PSPH: variants seen among roughly 807,000 people sequenced by gnomAD.
The protein encoded by PSPH is phosphoserine phosphatase.
Under a neutral mutation model 23.4 loss-of-function variants are expected in PSPH, and 16 were observed. The ratio of observed to expected loss-of-function variants is 0.68; its 90% CI spans 0.46 to 1.04. PSPH has a LOEUF of 1.04. Among genes scored for constraint, PSPH ranks in the 50% least tolerant of loss-of-function variants. PSPH has a pLI of 0.00. For synonymous variants in PSPH, 68 were observed against 99.7 expected (o/e 0.68, Z 1.89); for missense variants, 223 against 273.7 (o/e 0.81, Z 1.31).
chr7:56,038,962 G>A (rs545026757), intron 1 of PSPH, among the ~76,000 whole-genome samples: 1 of 152,120 alleles, frequency 6.6e-6, no homozygotes, highest in South Asian at 2.1e-4. Flanking sequence ...TGACCAACAT[G>A]GAGAAACCCC....
Position 56,041,689 on chromosome 7 carries a change from C to T in PSPH, c.-291-7583G>A, listed in dbSNP as rs559994664. Among the ~76,000 whole-genome samples, 14 of 151,794 alleles carry T rather than the reference C, an allele frequency of 9.2e-5. No individual in the cohort carries two copies. The East Asian group carries it at 1.2e-3, about 13-fold the overall frequency. ...TTGTAATCCCAGCACTTTGGGAGGC[C>T]GAGGTGGGCAGATCACTTGAGACCA... is the stretch of plus-strand genomic sequence containing the variant. On this transcript the variant is annotated intron_variant, in intron 1 of 7. Coordinates refer to ENST00000275605, the MANE Select transcript of PSPH (RefSeq NM_004577.4).
At chr7:56,049,006 G>A (rs1206755500) in intron 1 of PSPH, among the ~76,000 whole-genome samples, 1 of 151,120 alleles carries the variant, frequency 6.6e-6, no homozygotes, top group Non-Finnish European at 1.5e-5. Flanking sequence ...TGCAAGCTCC[G>A]CCTCTTGGAT....
At chr7:56,033,173 A>G (rs1791259890) in intron 2 of PSPH, 1 of 152,078 alleles carries the variant, frequency 6.6e-6, no homozygotes, top group Non-Finnish European at 1.5e-5. Context: ...ATATTTAAAA[A>G]GTAATAATAT....
intron 6 of PSPH, among the ~76,000 whole-genome samples, chr7:56,016,268 G>C (rs1026098434): frequency 2.0e-5 from 3 of 151,486 alleles, no homozygotes; most frequent in African/African-American, 7.3e-5. Context: ...GCCAGGTGTG[G>C]TGGTGGGCAC....
chr7:56,012,388 C>T (rs986526363), intron 7 of PSPH, among the ~76,000 whole-genome samples: 6 of 152,012 alleles, frequency 3.9e-5, no homozygotes, highest in African/African-American at 1.4e-4. Flanking sequence ...TGCCACGTTG[C>T]TCAGCTGGTC....
intron 4 of PSPH, among the ~76,000 whole-genome samples, chr7:56,020,436 C>A (rs563535160): frequency 1.3e-5 from 2 of 151,682 alleles, no homozygotes; most frequent in African/African-American, 2.4e-5. Context: ...ACTACCCTGG[C>A]CAACATGGTG....
chr7:56,045,441 C>G lies in PSPH; in HGVS notation c.-292+5697G>C, dbSNP rs528433028. On this transcript the variant is annotated intron_variant, in intron 1 of 7. Coordinates refer to ENST00000275605, the MANE Select transcript of PSPH (RefSeq NM_004577.4). ...TTGCGCCACTGCACTCCAGCCTGGG[C>G]ACCAGAGTGAGACTCTATCTCTTAA... 4.4e-4 allele frequency among the ~76,000 whole-genome samples: 67 copies of G among 151,850 alleles called. 3 individuals are homozygous for G. The South Asian group carries it at 0.013, about 29-fold the overall frequency.
Position 56,011,750 on chromosome 7 carries a change from C to T in PSPH, c.*12G>A, listed in dbSNP as rs376164457. On this transcript the variant is annotated 3_prime_UTR_variant, in exon 8 of 8. Transcript: ENST00000275605. ...TCATCTGAAGTTGTTTGGAGCTGTA[C>T]GACAATGGATGTTATTCTTCCAGTT... The T allele has an allele frequency of 1.3e-4, 213 of 1,593,898 alleles. No individual in the cohort carries two copies. Among genetic ancestry groups the T allele is most frequent in the Admixed American group, 7.8e-4 (47 of 59,942 alleles).
chr7:56,050,612 A>C (rs369963700), intron 1 of PSPH, among the ~76,000 whole-genome samples: 8 of 152,178 alleles, frequency 5.3e-5, no homozygotes, highest in African/African-American at 1.9e-4. Context: ...GCTGTTACCG[A>C]GGACTTCCCA....
chr7:56,037,962 C>T (rs1463997603), intron 1 of PSPH, among the ~76,000 whole-genome samples: 1 of 151,732 alleles, frequency 6.6e-6, no homozygotes, highest in Non-Finnish European at 1.5e-5. Flanking sequence ...ATCCACTCGC[C>T]TTGGCCTCCC....
chr7:56,048,795 C>CTTT (rs548240200), intron 1 of PSPH, among the ~76,000 whole-genome samples: 2 of 130,950 alleles, frequency 1.5e-5, no homozygotes, highest in Non-Finnish European at 3.2e-5. Flanking sequence ...CCACACCTGG[C>CTTT]TTTTTTTTTT....
At chr7:56,038,835 C>T (rs1408923736) in intron 1 of PSPH, among the ~76,000 whole-genome samples, 6 of 151,358 alleles carry the variant, frequency 4.0e-5, no homozygotes, top group Non-Finnish European at 8.8e-5. Flanking sequence ...AGTGAGACTC[C>T]GTCCCCCAAA....
intron 3 of PSPH, among the ~76,000 whole-genome samples, chr7:56,025,679 C>A (rs1233898660): frequency 6.6e-6 from 1 of 152,110 alleles, no homozygotes; most frequent in African/African-American, 2.4e-5. Flanking sequence ...CTGCAACCTC[C>A]CCATCCCGGG....
chr7:56,023,437 T>G (rs553383188), intron 3 of PSPH, among the ~76,000 whole-genome samples: 14 of 152,056 alleles, frequency 9.2e-5, no homozygotes, highest in African/African-American at 3.4e-4. Context: ...TTATAAATTT[T>G]TTTTTGAAGA....
At chr7:56,015,212 G>A (rs969381891) in intron 6 of PSPH, 41 bp from the exon 7 acceptor site, 1 of 1,606,032 alleles carries the variant, frequency 6.2e-7, no homozygotes, top group Non-Finnish European at 8.5e-7. Flanking sequence ...ACCCAGAGAA[G>A]TATCTGACCA....
chr7:56,050,753 C>T (rs1793928094), intron 1 of PSPH, among the ~76,000 whole-genome samples: 1 of 152,116 alleles, frequency 6.6e-6, no homozygotes. Flanking sequence ...GAAAGCATTC[C>T]GAAAATTCAT....
intron 1 of PSPH, among the ~76,000 whole-genome samples, chr7:56,040,304 T>C (rs1378307941): frequency 6.6e-6 from 1 of 152,128 alleles, no homozygotes; most frequent in Non-Finnish European, 1.5e-5. Context: ...AATCTCTATG[T>C]GTGTCTATAT....
intron 1 of PSPH, among the ~76,000 whole-genome samples, chr7:56,043,861 A>T (rs1050364956): frequency 5.3e-5 from 8 of 152,062 alleles, no homozygotes; most frequent in African/African-American, 1.7e-4. Context: ...TGAGCCAGCG[A>T]TTTTTTTGTT....
chr7:56,035,872 G>A (rs1389226692), intron 1 of PSPH, among the ~76,000 whole-genome samples: 1 of 151,554 alleles, frequency 6.6e-6, no homozygotes, highest in Non-Finnish European at 1.5e-5. Flanking sequence ...TGCCCACCTC[G>A]GCCTCCCAAA....
Sources: gnomAD v4.1 joint callset for allele counts (sites outside exome capture counted in the v4.1 genomes callset) on GRCh38, gnomAD v4.1.1 for gene constraint, MANE v1.5 for transcripts, NCBI Gene and HGNC (gene_info 2026-07-23, HGNC 2026-07-21) for gene names.